STX19: variants seen among roughly 807,000 people sequenced by gnomAD.
The protein encoded by STX19 is syntaxin 19, also known as syntaxin-19.
A neutral mutation model predicts 24.3 loss-of-function variants in STX19; 26 were observed. The ratio of observed to expected loss-of-function variants is 1.07; its 90% CI spans 0.78 to 1.48. The LOEUF is 1.48. Among genes scored for constraint, STX19 ranks in the 40% most tolerant of loss-of-function variants. The probability of loss-of-function intolerance (pLI) is 0.00; values close to 1 mark genes in which losing one functional copy is unlikely to be tolerated. For missense variants in STX19, 367 were observed against 331.9 expected (o/e 1.11, Z -0.82); for synonymous variants, 116 against 106.9 (o/e 1.09, Z -0.52).
intron 1 of STX19, among the ~76,000 whole-genome samples, chr3:94,023,360 AC>A (rs1390614855): frequency 6.6e-6 from 1 of 151,270 alleles, no homozygotes; most frequent in Admixed American, 6.6e-5. Flanking sequence ...GAAATTCTTG[AC>A]CTTTTTTTCA....
intron 1 of STX19, among the ~76,000 whole-genome samples, chr3:94,019,247 A>G (rs958391815): frequency 1.4e-4 from 21 of 151,704 alleles, no homozygotes; most frequent in African/African-American, 5.1e-4. Flanking sequence ...CCTAGGCTGG[A>G]GTGCAGTGGC....
In STX19 at chr3:94,015,074, C is replaced by T. The variant is rs914060845; in HGVS notation, c.196G>A (p.Asp66Asn). The change falls in exon 2 of 2, where the codon GAT becomes AAT. Residue 66 changes from aspartate to asparagine, a missense_variant. By Grantham distance (23) the Asp-to-Asn change is conservative. Transcript: ENST00000315099. ...TGCTGCCCAAATTTTTGAACATTAT[C>T]TGCCAAATTGTTAATACTTTCCTGT... ...KLQESINNLA[D>N]NVQKFGQQQK... 6.2e-7 allele frequency: 1 copy of T among 1,613,832 alleles called. No homozygotes were observed. The highest frequency in any genetic ancestry group is 1.7e-5 in the Admixed American group (1 of 59,980).
Position 94,023,654 on chromosome 3 carries a change from A to G in STX19, c.-14+4713T>C, listed in dbSNP as rs1168859312. On this transcript the variant is annotated intron_variant, in intron 1 of 1. Coordinates refer to ENST00000315099, the MANE Select transcript of STX19 (RefSeq NM_001001850.3). ...GTGACTTGCCTAAGGCCACACAACT[A>G]AAAGGTGGCAGATCCTACGTTTAGA... 2.0e-5 allele frequency among the ~76,000 whole-genome samples: 3 copies of G among 152,160 alleles called. 1 individual carries two copies. Among genetic ancestry groups the G allele is most frequent in the South Asian group, 4.1e-4 (2 of 4,832 alleles).
chr3:94,016,178 T>A (rs945948169), intron 1 of STX19, among the ~76,000 whole-genome samples: 1 of 152,150 alleles, frequency 6.6e-6, no homozygotes, highest in African/African-American at 2.4e-5. Flanking sequence ...AGTAAAATGC[T>A]ATTATCACAG....
intron 1 of STX19, among the ~76,000 whole-genome samples, chr3:94,020,893 A>G (rs2076433447): frequency 1.3e-5 from 2 of 152,148 alleles, no homozygotes; most frequent in African/African-American, 4.8e-5. Flanking sequence ...ATTTATGTAA[A>G]TAGGGGACTT....
chr3:94,027,984 T>A (rs1370610768), intron 1 of STX19, among the ~76,000 whole-genome samples: 1 of 152,176 alleles, frequency 6.6e-6, no homozygotes, highest in Non-Finnish European at 1.5e-5. Context: ...AAGCTGCTTT[T>A]CAGAGTGAAA....
At position 94,014,804 on chromosome 3, in the gene STX19, C is replaced by G; in HGVS notation, c.466G>C (p.Ala156Pro). Reference protein sequence around the residue: ...QIMFIYNDTIAAKQEKCKTFI... With the variant: ...QIMFIYNDTIPAKQEKCKTFI... ...GTCTTGCACTTCTCTTGCTTTGCTG[C>G]TATTGTGTCATTGTATATAAACATG... Residue 156 changes from alanine to proline, a missense_variant, in exon 2 of 2, where the codon GCA becomes CCA. By Grantham distance (27) the Ala-to-Pro change is conservative. Transcript: ENST00000315099. 1 of 1,614,060 alleles carries G rather than the reference C, an allele frequency of 6.2e-7. No homozygotes were observed. Among genetic ancestry groups the G allele is most frequent in the Non-Finnish European group, 8.5e-7 (1 of 1,179,994 alleles).
chr3:94,020,962 C>A (rs1270469883), intron 1 of STX19, among the ~76,000 whole-genome samples: 1 of 151,798 alleles, frequency 6.6e-6, no homozygotes, highest in Non-Finnish European at 1.5e-5. Flanking sequence ...TGTCTATATT[C>A]TACTTTACTG....
rs954874993 is a variant in STX19, at chr3:94,015,354, A to G, written c.-13-72T>C. On this transcript the variant is annotated intron_variant, in intron 1 of 1. Coordinates refer to ENST00000315099, the MANE Select transcript of STX19 (RefSeq NM_001001850.3). The stretch of plus-strand genomic sequence containing the variant: ...TTTCCCCAGTAGCAGTTGACTTCAC[A>G]TAACTGTCTATATCCCAGCAAAAGT... 4.3e-6 allele frequency: 5 copies of G among 1,164,050 alleles called. No homozygotes were observed. In the South Asian group the frequency reaches 5.1e-5, roughly 12 times the overall value. 72.1% of individuals were successfully genotyped at this position (1,164,050 alleles called of 1,614,324 possible).
At chr3:94,017,281 C>G (rs1379007052) in intron 1 of STX19, among the ~76,000 whole-genome samples, 2 of 152,192 alleles carry the variant, frequency 1.3e-5, no homozygotes, top group South Asian at 4.1e-4. Context: ...ATTAGACTTA[C>G]TTGGCATAAC....
chr3:94,025,600 G>C (rs56232904), intron 1 of STX19, among the ~76,000 whole-genome samples: 1 of 152,150 alleles, frequency 6.6e-6, no homozygotes, highest in Non-Finnish European at 1.5e-5. Flanking sequence ...CAGTAGCCTA[G>C]CTTCATTGGG....
At chr3:94,017,300 G>A (rs1462143342) in intron 1 of STX19, among the ~76,000 whole-genome samples, 1 of 152,204 alleles carries the variant, frequency 6.6e-6, no homozygotes, top group South Asian at 2.1e-4. Context: ...ACTCCAAAGG[G>A]CAGTGGGTGG....
intron 1 of STX19, among the ~76,000 whole-genome samples, chr3:94,023,119 A>G (rs1017468576): frequency 6.6e-6 from 1 of 151,758 alleles, no homozygotes; most frequent in East Asian, 1.9e-4. Flanking sequence ...GGAGTGTACC[A>G]TAGCTCCTTT....
intron 1 of STX19, among the ~76,000 whole-genome samples, chr3:94,021,340 G>A (rs1394765574): frequency 1.3e-5 from 2 of 151,808 alleles, no homozygotes; most frequent in Admixed American, 1.3e-4. Flanking sequence ...GACTACAGGT[G>A]CCCATCACCA....
chr3:94,020,277 T>C (rs1296812892), intron 1 of STX19, among the ~76,000 whole-genome samples: 1 of 152,204 alleles, frequency 6.6e-6, no homozygotes, highest in Non-Finnish European at 1.5e-5. Context: ...TGCCAGGCAC[T>C]AAGTGTGTTT....
rs1310395036 is a variant in STX19, at chr3:94,014,733, T to C, written c.537A>G (p.Glu179=). 1.9e-6 allele frequency: 3 copies of C among 1,613,092 alleles called. No homozygotes were observed. The highest frequency in any genetic ancestry group is 1.3e-5 in the African/African-American group (1 of 75,028). The stretch of plus-strand genomic sequence containing the variant: ...GATGAAGCATATCATTTACATCTTC[T>C]TCAGACATCTCTTTTCCAGCAACTT... ...QLEVAGKEMS[E]EDVNDMLHQG... is the part of the protein sequence containing the mutation. The change falls in exon 2 of 2, where the codon GAA becomes GAG. Residue 179 remains glutamate (E), a synonymous_variant. Transcript: ENST00000315099.
At chr3:94,023,717 A>T (rs1285145907) in intron 1 of STX19, among the ~76,000 whole-genome samples, 2 of 152,084 alleles carry the variant, frequency 1.3e-5, no homozygotes, top group African/African-American at 4.8e-5. Flanking sequence ...TTTTTCCCCT[A>T]TTGTCTATTG....
intron 1 of STX19, 76 bp downstream of exon 1, chr3:94,028,291 T>C (rs1021150960): frequency 6.6e-6 from 1 of 152,216 alleles, no homozygotes; most frequent in African/African-American, 2.4e-5. Flanking sequence ...GAGTGATTTT[T>C]AAATGTAACA....
intron 1 of STX19, among the ~76,000 whole-genome samples, chr3:94,020,067 C>G (rs941485506): frequency 6.6e-6 from 1 of 152,128 alleles, no homozygotes; most frequent in African/African-American, 2.4e-5. Context: ...TTTATATTAA[C>G]TTAATTGTCT....
Sources: allele counts gnomAD v4.1 joint callset (sites outside exome capture counted in the v4.1 genomes callset), GRCh38; gene constraint gnomAD v4.1.1; transcripts MANE v1.5; gene names NCBI Gene and HGNC (gene_info 2026-07-23, HGNC 2026-07-21).